The following SLC4A7 variants were observed in gnomAD, a reference collection of about 807,000 sequenced individuals.
SLC4A7 encodes sodium bicarbonate cotransporter 3.
Under a neutral mutation model 137.6 loss-of-function variants are expected in SLC4A7, and 51 were observed. The observed-to-expected ratio is 0.37, with a 90% CI of 0.30 to 0.47. The LOEUF is 0.47. SLC4A7 is among the 20% of genes least tolerant of loss of function. SLC4A7 has a pLI of 1.00. For synonymous variants in SLC4A7, 542 were observed against 518.6 expected, an observed-to-expected ratio of 1.05 and a Z score of -0.61; for missense variants, 1,247 against 1,525.4, an observed-to-expected ratio of 0.82 and a Z score of 3.04.
At chr3:27,446,537 G>A (rs1234568273) in intron 3 of SLC4A7, among the ~76,000 whole-genome samples, 4 of 151,852 alleles carry the variant, frequency 2.6e-5, no homozygotes, top group Non-Finnish European at 5.9e-5. Flanking sequence ...ACATACTTAG[G>A]TGAACATATC....
rs770056458 is a variant in SLC4A7 at position 27,394,632 on chromosome 3, T to A, written c.3003A>T (p.Glu1001Asp). The A allele has an allele frequency of 1.2e-6, 2 of 1,614,172 alleles. No homozygotes were observed. The highest frequency in any genetic ancestry group is 2.2e-5 in the South Asian group (2 of 91,082). ...TGGGTTGTTCCCCTGGAGCAGAACA[T>A]TCAGATTCAACTTTTAAGCTGTTGA... ...SHVNSLKVES[E>D]CSAPGEQPKF... Residue 1001 changes from glutamate to aspartate, a missense_variant, in exon 20 of 26, where the codon GAA (glutamate) becomes GAT (aspartate). Physicochemically the swap from Glu to Asp is conservative, Grantham distance 45. This residue lies in a region of SLC4A7 where 290 missense variants were observed against 323.8 expected (regional missense o/e 0.90). Coordinates refer to ENST00000454389, the MANE Select transcript of SLC4A7 (RefSeq NM_001321103.2).
chr3:27,466,070 A>T (rs527910765), intron 1 of SLC4A7, among the ~76,000 whole-genome samples: 50 of 152,264 alleles, frequency 3.3e-4, no homozygotes, highest in Admixed American at 3.1e-3. Context: ...CTTTTTCTGT[A>T]CAGGAACATA....
chr3:27,426,701 C>T (rs1461838748), intron 7 of SLC4A7, among the ~76,000 whole-genome samples: 1 of 152,150 alleles, frequency 6.6e-6, no homozygotes, highest in Non-Finnish European at 1.5e-5. Context: ...AGTCACATGG[C>T]TAACCTGGTC....
At chr3:27,477,220 T>C (rs1056560259) in intron 1 of SLC4A7, among the ~76,000 whole-genome samples, 1 of 152,250 alleles carries the variant, frequency 6.6e-6, no homozygotes, top group African/African-American at 2.4e-5. Flanking sequence ...AGAAATGTCA[T>C]GTTTCTTGCA....
At chr3:27,449,148 C>A (rs1044535054) in intron 2 of SLC4A7, among the ~76,000 whole-genome samples, 13 of 151,856 alleles carry the variant, frequency 8.6e-5, no homozygotes, top group African/African-American at 2.4e-4. Flanking sequence ...GATCCGCCCA[C>A]CTCAGCCTCC....
intron 1 of SLC4A7, among the ~76,000 whole-genome samples, chr3:27,469,340 T>C (rs1302548230): frequency 1.3e-5 from 2 of 152,078 alleles, no homozygotes; most frequent in African/African-American, 2.4e-5. Flanking sequence ...TAGTGTTAGA[T>C]CCCACAGGTT....
At chr3:27,479,423 C>CAAA (rs56385410) in intron 1 of SLC4A7, among the ~76,000 whole-genome samples, 11 of 142,340 alleles carry the variant, frequency 7.7e-5, no homozygotes, top group African/African-American at 7.8e-5. Flanking sequence ...GCCTCAGCAA[C>CAAA]AAAAAAAAAA....
At chr3:27,479,807 T>A (rs2059634094) in intron 1 of SLC4A7, among the ~76,000 whole-genome samples, 1 of 152,194 alleles carries the variant, frequency 6.6e-6, no homozygotes, top group Non-Finnish European at 1.5e-5. Context: ...GAAACTATAG[T>A]ACAAATCAAA....
At chr3:27,405,157 T>G (rs1351645959) in intron 13 of SLC4A7, among the ~76,000 whole-genome samples, 194 bp from the exon 14 acceptor site, 1 of 152,176 alleles carries the variant, frequency 6.6e-6, no homozygotes, top group Non-Finnish European at 1.5e-5. Flanking sequence ...AAATGCTTTC[T>G]TTTTGCATAT....
At chr3:27,397,609 C>T in intron 18 of SLC4A7, 75 bp downstream of exon 18, 1 of 730,456 alleles carries the variant, frequency 1.4e-6, no homozygotes, top group Non-Finnish European at 2.4e-6. Context: ...ACAATAACTA[C>T]TGAGAAAATA....
rs143538969 is a variant in SLC4A7, at chr3:27,411,680, G to A, written c.1728C>T (p.Ala576=). 105 of 1,563,222 alleles carry A rather than the reference G, an allele frequency of 6.7e-5. No individual in the cohort carries two copies. The highest frequency in any genetic ancestry group is 1.7e-4 in the East Asian group (7 of 41,928). Residue 576 remains alanine (A), a synonymous_variant, in exon 12 of 26, where the codon GCC becomes GCT. Transcript: ENST00000454389. ...TPTLGETPKE[A]AHHAGPELQR... ...GTAGCTCAGGCCCAGCATGATGAGC[G>A]GCCTCTTTAGGAGTCTCACCCAGTG... is the stretch of plus-strand genomic sequence containing the variant.
intron 1 of SLC4A7, among the ~76,000 whole-genome samples, chr3:27,454,196 T>A (rs2058265965): frequency 6.6e-6 from 1 of 152,184 alleles, no homozygotes; most frequent in Admixed American, 6.5e-5. Context: ...CTAGGCACGG[T>A]GGCTCACATC....
In SLC4A7 at chr3:27,403,636, A is replaced by G. The variant is rs1406382266; in HGVS notation, c.2076-252T>C. Among the ~76,000 whole-genome samples, 3 of 152,152 alleles carry G rather than the reference A, an allele frequency of 2.0e-5. No homozygotes were observed. The East Asian group carries it at 5.8e-4, about 29-fold the overall frequency. ...TATTAATAGTTTATTACACTTATAT[A>G]AAAGATTTACAGTGAAAATCTACCA... On this transcript the variant is annotated intron_variant, in intron 14 of 25. Transcript: ENST00000454389.
At chr3:27,436,324 G>T in intron 5 of SLC4A7, 64 bp downstream of exon 5, 1 of 1,242,432 alleles carries the variant, frequency 8.0e-7, no homozygotes, top group Non-Finnish European at 1.2e-6. Context: ...GCATATAGTT[G>T]TTAAATGAAT....
chr3:27,427,646 G>A (rs1484942497), intron 7 of SLC4A7, among the ~76,000 whole-genome samples: 1 of 151,894 alleles, frequency 6.6e-6, no homozygotes, highest in Non-Finnish European at 1.5e-5. Flanking sequence ...CACTAAGACA[G>A]TACCAGGCAT....
chr3:27,404,479 C>T lies in SLC4A7; in HGVS notation c.2075+351G>A, dbSNP rs188952306. ...ATTTCTACAGTGTGAACAACCTCAC[C>T]GATGGAAACTGACACTTCACTCTGA... On this transcript the variant is annotated intron_variant, in intron 14 of 25. Coordinates refer to ENST00000454389, the MANE Select transcript of SLC4A7 (RefSeq NM_001321103.2). Among the ~76,000 whole-genome samples the T allele has an allele frequency of 4.6e-5, 7 of 152,322 alleles. No individual in the cohort carries two copies. The East Asian group carries it at 7.7e-4, about 17-fold the overall frequency.
At chr3:27,404,991 A>C (rs1271626587) in intron 13 of SLC4A7, 28 bp from the exon 14 acceptor site, 1 of 1,516,656 alleles carries the variant, frequency 6.6e-7, no homozygotes, top group Non-Finnish European at 8.9e-7. Flanking sequence ...AAATGAATAA[A>C]AGCAATACAT....
At chr3:27,380,317 A>T (rs1340988375) in intron 24 of SLC4A7, among the ~76,000 whole-genome samples, 16 of 5,986 alleles carry the variant, frequency 2.7e-3, no homozygotes, top group East Asian at 0.071. Context: ...CAGAATTTAA[A>T]AAAAAAAAAA....
intron 1 of SLC4A7, among the ~76,000 whole-genome samples, chr3:27,477,910 C>T (rs1206509855): frequency 6.6e-6 from 1 of 152,138 alleles, no homozygotes; most frequent in Non-Finnish European, 1.5e-5. Flanking sequence ...CCACCGCGCC[C>T]GGCTTTCATG....
Sources: allele counts gnomAD v4.1 joint callset (sites outside exome capture counted in the v4.1 genomes callset), GRCh38; gene constraint gnomAD v4.1.1; regional missense constraint gnomAD v4.1.1; transcripts MANE v1.5; gene names NCBI Gene and HGNC (gene_info 2026-07-23, HGNC 2026-07-21).